The following ATP10B variants were observed in gnomAD, a reference collection of about 807,000 sequenced individuals.
The protein encoded by ATP10B is ATPase phospholipid transporting 10B (putative), also known as phospholipid-transporting ATPase VB.
In ATP10B, 122 loss-of-function variants were observed where a neutral mutation model predicts 141.2. The observed-to-expected ratio is 0.86, with a 90% CI of 0.75 to 1.00. ATP10B has a LOEUF of 1.00. ATP10B is among the 50% of genes least tolerant of loss of function. The pLI is 0.00. For missense variants in ATP10B, 1,876 were observed against 1,825.3 expected (o/e 1.03, Z -0.51); for synonymous variants, 685 against 692.0 (o/e 0.99, Z 0.16).
chr5:160,606,052 T>A (rs1757369255), intron 19 of ATP10B, among the ~76,000 whole-genome samples: 1 of 152,234 alleles, frequency 6.6e-6, no homozygotes, highest in Admixed American at 6.5e-5. Flanking sequence ...CAGTTTCATT[T>A]GTTGGAACAT....
chr5:160,845,896 C>T (rs1313254300), intron 1 of ATP10B, among the ~76,000 whole-genome samples: 2 of 152,060 alleles, frequency 1.3e-5, no homozygotes, highest in South Asian at 2.1e-4. Flanking sequence ...ATTTGGTACA[C>T]GCTGATGTCT....
intron 2 of ATP10B, among the ~76,000 whole-genome samples, chr5:160,718,583 AAC>A: frequency 6.6e-6 from 1 of 152,300 alleles, no homozygotes; most frequent in South Asian, 2.1e-4. Context: ...GCTGCATGCT[AAC>A]ATGGTGAAGA....
At chr5:160,890,878 G>A in the ATP10B span, among the ~76,000 whole-genome samples, 4 of 152,044 alleles carry the variant, frequency 2.6e-5, no homozygotes, top group African/African-American at 7.2e-5. Context: ...CCTGGCAATT[G>A]TTTTTTATGT....
chr5:160,576,584 C>T (rs142307678), intron 24 of ATP10B, among the ~76,000 whole-genome samples: 142 of 152,246 alleles, frequency 9.3e-4, no homozygotes, highest in African/African-American at 3.4e-3. Context: ...TCACAAGACA[C>T]AATGGGAGCC....
chr5:160,823,700 G>A (rs891361221), intron 1 of ATP10B, among the ~76,000 whole-genome samples: 3 of 152,092 alleles, frequency 2.0e-5, no homozygotes, highest in Non-Finnish European at 4.4e-5. Context: ...CAGGCGTGGT[G>A]GCAGCCGCCT....
At chr5:160,578,457 T>C (rs1255271617) in intron 24 of ATP10B, among the ~76,000 whole-genome samples, 2 of 152,244 alleles carry the variant, frequency 1.3e-5, no homozygotes, top group African/African-American at 4.8e-5. Flanking sequence ...TTTCTGTTCC[T>C]GTGTTAGTTT....
chr5:160,781,817 C>A (rs1436489514), intron 2 of ATP10B, among the ~76,000 whole-genome samples: 2 of 152,086 alleles, frequency 1.3e-5, no homozygotes, highest in African/African-American at 4.8e-5. Context: ...AAATCAAATG[C>A]TGGCCATAAA....
Position 160,652,897 on chromosome 5 carries a change from T to TATATTATATATACATGTATATATA in ATP10B, c.676-3665_676-3642dup, listed in dbSNP as rs1561701550. Among the ~76,000 whole-genome samples the TATATTATATATACATGTATATATA allele has an allele frequency of 9.2e-4, 64 of 69,918 alleles. 2 individuals are homozygous for TATATTATATATACATGTATATATA. Among genetic ancestry groups the TATATTATATATACATGTATATATA allele is most frequent in the African/African-American group, 3.8e-3 (62 of 16,188 alleles). 45.9% of individuals were successfully genotyped at this position (69,918 alleles called of 152,430 possible). ...ATATAATATATATATAATTATATAA[T>TATATTATATATACATGTATATATA]ATATTATATATACATGTATATATAA... On this transcript the variant is annotated intron_variant, in intron 7 of 25. Transcript: ENST00000327245.
chr5:160,622,247 A>G (rs1758385893), intron 14 of ATP10B, 147 bp downstream of exon 14: 1 of 741,836 alleles, frequency 1.3e-6, no homozygotes, highest in East Asian at 2.8e-5. Context: ...TAAGAGACCT[A>G]TTCTAGGTTT....
intron 24 of ATP10B, among the ~76,000 whole-genome samples, chr5:160,586,743 TC>T (rs1396213257): frequency 6.6e-6 from 1 of 152,242 alleles, no homozygotes; most frequent in Non-Finnish European, 1.5e-5. Flanking sequence ...GAGCTTTTTT[TC>T]ATGTTTGTTG....
chr5:160,693,755 G>T (rs1046174808), intron 3 of ATP10B, among the ~76,000 whole-genome samples: 1 of 152,178 alleles, frequency 6.6e-6, no homozygotes, highest in Non-Finnish European at 1.5e-5. Context: ...TCATAAGGAG[G>T]GCGTGACCTA....
At chr5:160,627,412 A>G (rs1326144237) in intron 13 of ATP10B, among the ~76,000 whole-genome samples, 1 of 152,204 alleles carries the variant, frequency 6.6e-6, no homozygotes, top group Admixed American at 6.5e-5. Flanking sequence ...GCCACAGAGT[A>G]GATGCTTACT....
chr5:160,745,364 A>G (rs946956615), intron 2 of ATP10B, among the ~76,000 whole-genome samples: 3 of 152,258 alleles, frequency 2.0e-5, no homozygotes, highest in Non-Finnish European at 4.4e-5. Flanking sequence ...GCATGAATCA[A>G]AATTGTCACA....
At chr5:160,582,651 C>CTGGAT (rs1755628836) in intron 24 of ATP10B, among the ~76,000 whole-genome samples, 1 of 151,968 alleles carries the variant, frequency 6.6e-6, no homozygotes, top group South Asian at 2.1e-4. Flanking sequence ...AGAAGTTCTC[C>CTGGAT]TGGATAACAT....
chr5:160,910,166 G>A, the ATP10B span, among the ~76,000 whole-genome samples: 1 of 151,976 alleles, frequency 6.6e-6, no homozygotes, highest in Non-Finnish European at 1.5e-5. Context: ...CCTGTATCAG[G>A]GCCTTTGTGT....
upstream of ATP10B, among the ~76,000 whole-genome samples, chr5:160,852,617 A>G (rs1753868784): frequency 6.6e-6 from 1 of 152,170 alleles, no homozygotes; most frequent in Non-Finnish European, 1.5e-5. Context: ...GTTTTTATTG[A>G]TTACTGTTTG....
intron 2 of ATP10B, among the ~76,000 whole-genome samples, chr5:160,744,615 C>T (rs1486204488): frequency 6.6e-6 from 1 of 152,150 alleles, no homozygotes; most frequent in Non-Finnish European, 1.5e-5. Context: ...AGGTTTTCAC[C>T]AAATTTGTAG....
intron 7 of ATP10B, among the ~76,000 whole-genome samples, chr5:160,653,704 A>ATT (rs1761185154): frequency 6.3e-5 from 6 of 95,894 alleles, no homozygotes; most frequent in African/African-American, 1.9e-4. Flanking sequence ...ATACATATAC[A>ATT]ATATATACAT....
At chr5:160,670,991 C>A (rs1370528804) in intron 6 of ATP10B, among the ~76,000 whole-genome samples, 3 of 151,496 alleles carry the variant, frequency 2.0e-5, no homozygotes, top group African/African-American at 7.3e-5. Context: ...ATGGTGAAAC[C>A]CTGTCTCTAC....
Sources: gnomAD v4.1 joint callset for allele counts (sites outside exome capture counted in the v4.1 genomes callset) on GRCh38, gnomAD v4.1.1 for gene constraint, MANE v1.5 for transcripts, NCBI Gene and HGNC (gene_info 2026-07-23, HGNC 2026-07-21) for gene names.